The following COQ5 variants were observed in gnomAD, a reference collection of about 807,000 sequenced individuals.
COQ5 encodes 2-methoxy-6-polyprenyl-1,4-benzoquinol methylase, mitochondrial.
In COQ5, 27 loss-of-function variants were observed where a neutral mutation model predicts 40.5. That is an observed-to-expected ratio of 0.67 (90% CI 0.49 to 0.92). The LOEUF (loss-of-function observed/expected upper bound fraction) is 0.92, where lower values mean the gene tolerates loss of function less well. Among genes scored for constraint, COQ5 ranks in the 40% least tolerant of loss-of-function variants. The probability of loss-of-function intolerance (pLI) is 0.00; values close to 1 mark genes in which losing one functional copy is unlikely to be tolerated. For missense variants in COQ5, 409 were observed against 406.4 expected (o/e 1.01, Z -0.06); for synonymous variants, 141 against 150.0 (o/e 0.94, Z 0.44).
At chr12:120,520,584 A>G (rs1869599662) in intron 2 of COQ5, among the ~76,000 whole-genome samples, 1 of 151,970 alleles carries the variant, frequency 6.6e-6, no homozygotes, top group African/African-American at 2.4e-5. Context: ...TCGGGCTCCC[A>G]AAGTGCTGGG....
In COQ5 at chr12:120,516,645, G is replaced by T. The variant is rs543355990; in HGVS notation, c.496C>A (p.Arg166Ser). 2.5e-6 allele frequency: 4 copies of T among 1,613,994 alleles called. No individual in the cohort carries two copies. In the African/African-American group the frequency reaches 5.3e-5, roughly 22 times the overall value. The change falls in exon 3 of 7, where the codon CGT becomes AGT. Residue 166 changes from arginine to serine, a missense_variant. Coordinates refer to ENST00000288532, the MANE Select transcript of COQ5 (RefSeq NM_032314.4). Reference sequence around the variant, plus strand: ...TTGTTGATGTCACACACCACGACACGAGACCCGCCCAAGGAATCTTCTTCA... The same window carrying T: ...TTGTTGATGTCACACACCACGACACTAGACCCGCCCAAGGAATCTTCTTCA... ...QNEEDSLGGS[R>S]VVVCDINKEM...
intron 4 of COQ5, among the ~76,000 whole-genome samples, chr12:120,505,982 G>A (rs1794749): frequency 0.79 from 120,726 of 151,880 alleles, 48,321 homozygotes; most frequent in Admixed American, 0.85. Context: ...CAGACTCCCA[G>A]GTAGCTGGGA....
At chr12:120,521,263 C>T (rs535978176) in intron 2 of COQ5, among the ~76,000 whole-genome samples, 3 of 151,882 alleles carry the variant, frequency 2.0e-5, no homozygotes, top group South Asian at 4.2e-4. Context: ...GATGGGTTTT[C>T]ACCATGTTGG....
At position 120,503,923 on chromosome 12, in the gene COQ5, T is replaced by C. The variant is rs558975735; in HGVS notation, c.883-38A>G. On this transcript the variant is annotated intron_variant, in intron 6 of 6. Transcript: ENST00000288532. ...GAAAGATGATAAAGCCAGGGTAGCC[T>C]GGATATCACTGTAGGGCCTTTGTTT... 5.0e-6 allele frequency: 8 copies of C among 1,598,280 alleles called. 1 individual carries two copies. In the South Asian group the frequency reaches 7.7e-5, roughly 15 times the overall value.
chr12:120,518,412 T>C (rs1398159077), intron 2 of COQ5, among the ~76,000 whole-genome samples: 3 of 132,794 alleles, frequency 2.3e-5, no homozygotes, highest in Non-Finnish European at 4.7e-5. Context: ...CTGGCGAAAG[T>C]GCAAGACCGT....
At chr12:120,528,203 AAAATAAATAAAT>A (rs56103240) in intron 1 of COQ5, among the ~76,000 whole-genome samples, 2 of 148,742 alleles carry the variant, frequency 1.3e-5, no homozygotes, top group Non-Finnish European at 3.0e-5. Flanking sequence ...ACTCCGTCTC[AAAATAAATAAAT>A]AAATAAATAA....
At chr12:120,523,471 C>A in intron 1 of COQ5, 1 of 310,606 alleles carries the variant, frequency 3.2e-6, no homozygotes, top group Non-Finnish European at 6.2e-6. Flanking sequence ...CCACAGCCTG[C>A]TCCCCGCTGC....
intron 2 of COQ5, among the ~76,000 whole-genome samples, chr12:120,517,757 T>C (rs1480536187): frequency 6.6e-6 from 1 of 152,044 alleles, no homozygotes; most frequent in Non-Finnish European, 1.5e-5. Flanking sequence ...CAGTGCTTTG[T>C]AGAATCCTAT....
chr12:120,511,256 C>CCAAA (rs1869125528), intron 3 of COQ5, among the ~76,000 whole-genome samples: 1 of 93,120 alleles, frequency 1.1e-5, no homozygotes. Context: ...GACTCTGTCT[C>CCAAA]AAAAAAAAAA....
chr12:120,514,621 TAATCCCA>T (rs1869295218), intron 3 of COQ5, among the ~76,000 whole-genome samples: 1 of 151,854 alleles, frequency 6.6e-6, no homozygotes. Context: ...TGCGCAGCTG[TAATCCCA>T]GCTACTCGGG....
chr12:120,517,019 G>C (rs572605153), intron 2 of COQ5, among the ~76,000 whole-genome samples: 6 of 151,958 alleles, frequency 3.9e-5, no homozygotes, highest in Non-Finnish European at 8.8e-5. Flanking sequence ...GTGTGTGAAC[G>C]TGGAAGTTTC....
At chr12:120,507,006 G>A (rs1163875388) in intron 4 of COQ5, among the ~76,000 whole-genome samples, 1 of 151,772 alleles carries the variant, frequency 6.6e-6, no homozygotes, top group Non-Finnish European at 1.5e-5. Flanking sequence ...GCTAATTTTT[G>A]TATTTTTAGT....
intron 3 of COQ5, among the ~76,000 whole-genome samples, chr12:120,515,937 C>T (rs1869356659): frequency 6.6e-6 from 1 of 152,088 alleles, no homozygotes; most frequent in Admixed American, 6.6e-5. Context: ...GTTTAAGTTT[C>T]TTTAGAGACA....
intron 4 of COQ5, among the ~76,000 whole-genome samples, chr12:120,506,564 G>A (rs993967429): frequency 7.9e-5 from 12 of 151,162 alleles, no homozygotes; most frequent in African/African-American, 2.9e-4. Context: ...ATGGAGTTTC[G>A]CCATGTTGGC....
At chr12:120,509,833 C>T in intron 4 of COQ5, 184 bp downstream of exon 4, 1 of 614,450 alleles carries the variant, frequency 1.6e-6, no homozygotes, top group South Asian at 1.8e-5. Context: ...TTCCTGTAAT[C>T]CCAGCTACTT....
At chr12:120,512,326 G>A (rs1195082089) in intron 3 of COQ5, among the ~76,000 whole-genome samples, 1 of 152,158 alleles carries the variant, frequency 6.6e-6, no homozygotes, top group Non-Finnish European at 1.5e-5. Context: ...TTGTAGGACG[G>A]GCGCGGTGGC....
chr12:120,528,203 AAAATAAAT>A (rs56103240), intron 1 of COQ5, among the ~76,000 whole-genome samples: 38,253 of 148,614 alleles, frequency 0.26, 5,753 homozygotes, highest in East Asian at 0.5. Context: ...ACTCCGTCTC[AAAATAAAT>A]AAATAAATAA....
intron 1 of COQ5, chr12:120,522,923 C>T (rs1267400032): frequency 5.8e-6 from 4 of 686,404 alleles, no homozygotes; most frequent in Middle Eastern, 3.3e-4. Flanking sequence ...CACGTGCACT[C>T]GTGGCCCTGG....
chr12:120,514,788 T>C (rs1869308196), intron 3 of COQ5, among the ~76,000 whole-genome samples: 1 of 128,786 alleles, frequency 7.8e-6, no homozygotes. Flanking sequence ...CAACAAAAAC[T>C]GGGCCAACAG....
Sources: gnomAD v4.1 joint callset for allele counts (sites outside exome capture counted in the v4.1 genomes callset) on GRCh38, gnomAD v4.1.1 for gene constraint, MANE v1.5 for transcripts, NCBI Gene and HGNC (gene_info 2026-07-23, HGNC 2026-07-21) for gene names.